CARD8: variants seen among roughly 807,000 people sequenced by gnomAD.
CARD8 encodes caspase recruitment domain family member 8.
In CARD8, 38 loss-of-function variants were observed where a neutral mutation model predicts 53.2. The observed-to-expected ratio is 0.71, with a 90% CI of 0.55 to 0.94. The LOEUF is 0.94. Among genes scored for constraint, CARD8 ranks in the 40% least tolerant of loss-of-function variants. The pLI is 0.00. For synonymous variants in CARD8, 245 were observed against 244.9 expected, an observed-to-expected ratio of 1.00 and a Z score of 0.00; for missense variants, 561 against 655.5, an observed-to-expected ratio of 0.86 and a Z score of 1.57.
rs2146373897 is a variant in CARD8 at position 48,234,619 on chromosome 19, T to A, written c.210-76A>T. The A allele has an allele frequency of 2.9e-6, 4 of 1,364,190 alleles. No homozygotes were observed. In the South Asian group the frequency reaches 5.2e-5, roughly 18 times the overall value. The allele number at this position is 1,364,190 out of a possible 1,614,324, so 84.5% of individuals were successfully genotyped here. On this transcript the variant is annotated intron_variant, in intron 5 of 13. Coordinates refer to ENST00000651546, the MANE Select transcript of CARD8 (RefSeq NM_001184900.3). ...TGATAGCATAGGCTGTGCAGGAAGA[T>A]TTTATGTTAATAGCCATAGACTCAA... is the stretch of plus-strand genomic sequence containing the variant.
chr19:48,250,200 T>C (rs770136029), intron 1 of CARD8, among the ~76,000 whole-genome samples: 20 of 152,240 alleles, frequency 1.3e-4, no homozygotes, highest in Non-Finnish European at 2.8e-4. Flanking sequence ...TGGGAATAGA[T>C]ATGCCATATT....
At chr19:48,240,339 C>T (rs2044743171) in intron 4 of CARD8, among the ~76,000 whole-genome samples, 2 of 152,120 alleles carry the variant, frequency 1.3e-5, no homozygotes, top group African/African-American at 2.4e-5. Flanking sequence ...GCCATAGGCC[C>T]ATGCATCAAG....
At chr19:48,235,739 A>T (rs2043757332) in intron 5 of CARD8, among the ~76,000 whole-genome samples, 1 of 152,178 alleles carries the variant, frequency 6.6e-6, no homozygotes, top group African/African-American at 2.4e-5. Flanking sequence ...AGGTTACAAC[A>T]GTGAACACTT....
At chr19:48,228,347 T>C (rs2042187158) in intron 10 of CARD8, among the ~76,000 whole-genome samples, 1 of 152,134 alleles carries the variant, frequency 6.6e-6, no homozygotes, top group South Asian at 2.1e-4. Flanking sequence ...TGTGGAAAAA[T>C]GGTCTTCTGC....
intron 12 of CARD8, among the ~76,000 whole-genome samples, chr19:48,216,214 C>G (rs2039267574): frequency 1.3e-5 from 2 of 151,436 alleles, no homozygotes; most frequent in South Asian, 4.2e-4. Context: ...TAAAAATATT[C>G]TGATGTTTAC....
chr19:48,203,366 G>T (rs993175920), downstream of CARD8: 3 of 152,110 alleles, frequency 2.0e-5, no homozygotes, highest in Non-Finnish European at 4.4e-5. Flanking sequence ...CTTTGGCATT[G>T]TGATTAAGCT....
At chr19:48,217,720 T>A (rs1395361966) in intron 12 of CARD8, among the ~76,000 whole-genome samples, 2 of 152,192 alleles carry the variant, frequency 1.3e-5, no homozygotes, top group Non-Finnish European at 2.9e-5. Flanking sequence ...TTCTGCATCA[T>A]TGTAGTTATT....
intron 13 of CARD8, among the ~76,000 whole-genome samples, chr19:48,213,975 G>T (rs2038622882): frequency 6.6e-6 from 1 of 152,030 alleles, no homozygotes; most frequent in Non-Finnish European, 1.5e-5. Context: ...CCTTTACTCT[G>T]TCCCTCTAAC....
At chr19:48,246,130 T>A (rs901264427) in intron 3 of CARD8, among the ~76,000 whole-genome samples, 11 of 152,202 alleles carry the variant, frequency 7.2e-5, no homozygotes, top group Non-Finnish European at 1.5e-4. Context: ...TCTTCCCTTG[T>A]CTTTTGTGAT....
downstream of CARD8, chr19:48,204,201 C>A (rs1017759393): frequency 4.4e-5 from 20 of 455,792 alleles, no homozygotes; most frequent in Middle Eastern, 2.3e-3. Flanking sequence ...AGCCGCTCAG[C>A]GCGCAGGAGG....
chr19:48,222,679 ACT>A (rs1467669311), intron 10 of CARD8, among the ~76,000 whole-genome samples: 2 of 149,220 alleles, frequency 1.3e-5, no homozygotes, highest in African/African-American at 2.5e-5. Flanking sequence ...ACAGAGCGAG[ACT>A]CTGTCTCACC....
At position 48,231,017 on chromosome 19, in the gene CARD8, C is replaced by A; in HGVS notation, c.543-11G>T. ...GTGGGGAACCAAACGCTGAAAGGAG[C>A]CAGAGTGATGTCATGACGGGAGAAC... On this transcript the variant is annotated splice_polypyrimidine_tract_variant and intron_variant, in intron 8 of 13. Coordinates refer to ENST00000651546, the MANE Select transcript of CARD8 (RefSeq NM_001184900.3). The A allele has an allele frequency of 6.2e-7, 1 of 1,604,840 alleles. No homozygotes were observed. Among genetic ancestry groups the A allele is most frequent in the African/African-American group, 1.3e-5 (1 of 74,802 alleles).
chr19:48,224,964 A>T (rs1485394304), intron 10 of CARD8, among the ~76,000 whole-genome samples: 1 of 151,724 alleles, frequency 6.6e-6, no homozygotes, highest in Non-Finnish European at 1.5e-5. Context: ...CGTGTTAGCC[A>T]GGATGGTCTC....
intron 5 of CARD8, among the ~76,000 whole-genome samples, chr19:48,237,490 C>T (rs576981702): frequency 3.9e-5 from 6 of 152,114 alleles, no homozygotes; most frequent in African/African-American, 7.2e-5. Flanking sequence ...CAAATCATAT[C>T]GCTATTGTTA....
chr19:48,215,356 G>T lies in CARD8; in HGVS notation c.1332C>A (p.Ala444=). ...PVDLQLVAAS[A]PPPFSGAAFV... ...TTCACTTACCTGAGAAAGGAGGAGG[G>T]GCTGATGCAGCTACAAGCTGGAGAT... The change falls in exon 13 of 14, where the codon GCC becomes GCA. Residue 444 remains alanine (A), a synonymous_variant. Transcript: ENST00000651546. 1 of 1,611,162 alleles carries T rather than the reference G, an allele frequency of 6.2e-7. No homozygotes were observed. Among genetic ancestry groups the T allele is most frequent in the South Asian group, 1.1e-5 (1 of 91,008 alleles).
At chr19:48,229,053 C>T (rs1489693163) in intron 10 of CARD8, among the ~76,000 whole-genome samples, 6 of 152,014 alleles carry the variant, frequency 3.9e-5, no homozygotes, top group Admixed American at 6.6e-5. Flanking sequence ...GCAGGAGAAT[C>T]GCTTGAACCC....
rs1227458792 is a variant in CARD8 at position 48,231,004 on chromosome 19, A to G, written c.545T>C (p.Val182Ala). ...ATACCAGCCAGCAGTGGGGAACCAA[A>G]CGCTGAAAGGAGCCAGAGTGATGTC... ...LIDKSTNRYS[V>A]WFPTAGWYLW... Residue 182 changes from valine (V) to alanine (A), a missense_variant and splice_region_variant, in exon 9 of 14, where the codon GTT becomes GCT. Val to Ala is a moderately conservative substitution (Grantham distance 64). Transcript: ENST00000651546. 3 of 1,612,848 alleles carry G rather than the reference A, an allele frequency of 1.9e-6. No homozygotes were observed. Among genetic ancestry groups the G allele is most frequent in the Non-Finnish European group, 2.5e-6 (3 of 1,179,022 alleles).
At chr19:48,251,591 A>G (rs1445792119) in intron 1 of CARD8, among the ~76,000 whole-genome samples, 1 of 152,170 alleles carries the variant, frequency 6.6e-6, no homozygotes, top group Admixed American at 6.6e-5. Context: ...CAATAATTTA[A>G]TATACATTTG....
chr19:48,244,396 T>C (rs1382306112), intron 3 of CARD8, among the ~76,000 whole-genome samples: 1 of 152,190 alleles, frequency 6.6e-6, no homozygotes, highest in African/African-American at 2.4e-5. Flanking sequence ...GACAAAACTG[T>C]GTTAAGTCAG....
Sources: gnomAD v4.1 joint callset for allele counts (sites outside exome capture counted in the v4.1 genomes callset) on GRCh38, gnomAD v4.1.1 for gene constraint, MANE v1.5 for transcripts, NCBI Gene and HGNC (gene_info 2026-07-23, HGNC 2026-07-21) for gene names.